Variants in DIS3L2 observed in about 807,000 individuals in gnomAD.
DIS3L2 encodes DIS3 like 3'-5' exoribonuclease 2.
A neutral mutation model predicts 97.5 loss-of-function variants in DIS3L2; 34 were observed. The ratio of observed to expected loss-of-function variants is 0.35; its 90% CI spans 0.27 to 0.46. DIS3L2 has a LOEUF of 0.46. DIS3L2 is among the 20% of genes least tolerant of loss of function. The pLI is 1.00. For missense variants in DIS3L2, 1,038 were observed against 1,146.0 expected, an observed-to-expected ratio of 0.91 and a Z score of 1.36; for synonymous variants, 435 against 445.2, an observed-to-expected ratio of 0.98 and a Z score of 0.29.
chr2:231,979,986 T>G (rs1453905380), intron 1 of DIS3L2, among the ~76,000 whole-genome samples: 1 of 152,208 alleles, frequency 6.6e-6, no homozygotes, highest in African/African-American at 2.4e-5. Context: ...TTTAAAATAA[T>G]TTCCCTAAGG....
intron 9 of DIS3L2, among the ~76,000 whole-genome samples, chr2:232,186,080 C>T (rs1691422472): frequency 6.6e-6 from 1 of 152,128 alleles, no homozygotes; most frequent in Non-Finnish European, 1.5e-5. Flanking sequence ...GTCCACCTGC[C>T]TCAGCCTCCC....
At chr2:232,203,755 G>A (rs1449515895) in intron 9 of DIS3L2, among the ~76,000 whole-genome samples, 1 of 152,314 alleles carries the variant, frequency 6.6e-6, no homozygotes, top group Admixed American at 6.5e-5. Flanking sequence ...TGGGTAGGGC[G>A]CATGGGGGAG....
intron 13 of DIS3L2, among the ~76,000 whole-genome samples, chr2:232,295,993 G>A (rs1694717131): frequency 6.6e-6 from 1 of 152,122 alleles, no homozygotes. Context: ...TCTATCCAGG[G>A]CTCTCTTATC....
chr2:232,134,770 T>G (rs1698311349), intron 7 of DIS3L2, among the ~76,000 whole-genome samples: 1 of 151,780 alleles, frequency 6.6e-6, no homozygotes, highest in African/African-American at 2.4e-5. Context: ...AGGCGGAGGT[T>G]GCAGTGAGCC....
chr2:232,061,389 G>A (rs1004895942), intron 5 of DIS3L2, among the ~76,000 whole-genome samples: 8 of 152,328 alleles, frequency 5.3e-5, no homozygotes, highest in East Asian at 3.9e-4. Flanking sequence ...GACTTAGTCC[G>A]TGAAGCTGGA....
chr2:232,066,971 A>G (rs922202276), intron 5 of DIS3L2, among the ~76,000 whole-genome samples: 1 of 152,076 alleles, frequency 6.6e-6, no homozygotes, highest in Non-Finnish European at 1.5e-5. Context: ...TAAGATTTTT[A>G]ATGATTGCCC....
intron 14 of DIS3L2, among the ~76,000 whole-genome samples, chr2:232,301,835 CT>C (rs557282669): frequency 0.037 from 3,867 of 105,464 alleles, 172 homozygotes; most frequent in African/African-American, 0.11. Context: ...TAGCCTAGCT[CT>C]TTTTTTTTTT....
At position 232,334,685 on chromosome 2, in the gene DIS3L2, T is replaced by C; in HGVS notation, c.2344T>C (p.Phe782Leu). ...AMVMGILKQA[F>L]DVLVLRYGVQ... The stretch of plus-strand genomic sequence containing the variant: ...GGTGATGGGCATCCTGAAGCAAGCC[T>C]TCGACGTGCTGGTGCTGCGCTACGG... The change falls in exon 19 of 21, where the codon TTC becomes CTC. Residue 782 changes from phenylalanine (F) to leucine (L), a missense_variant. By Grantham distance (22) the Phe-to-Leu change is conservative. This residue lies in a region of DIS3L2 where 221 missense variants were observed against 246.9 expected (regional missense o/e 0.90). Transcript: ENST00000325385. The C allele has an allele frequency of 6.2e-7, 1 of 1,610,884 alleles. No individual in the cohort carries two copies. Among genetic ancestry groups the C allele is most frequent in the Non-Finnish European group, 8.5e-7 (1 of 1,178,856 alleles).
chr2:231,992,016 T>C (rs1693599642), intron 1 of DIS3L2, among the ~76,000 whole-genome samples: 1 of 151,926 alleles, frequency 6.6e-6, no homozygotes, highest in African/African-American at 2.4e-5. Context: ...TGAGGGGAGG[T>C]ATTACTTTGC....
At chr2:232,129,619 C>T (rs182590356) in intron 6 of DIS3L2, among the ~76,000 whole-genome samples, 9 of 152,240 alleles carry the variant, frequency 5.9e-5, no homozygotes, top group East Asian at 1.9e-4. Flanking sequence ...TCTTAAACCC[C>T]GGTAGGTCAG....
At chr2:232,193,005 T>C (rs931674844) in intron 9 of DIS3L2, among the ~76,000 whole-genome samples, 1 of 152,172 alleles carries the variant, frequency 6.6e-6, no homozygotes. Flanking sequence ...CTTTGCTTCC[T>C]CCTCCTTAGT....
intron 6 of DIS3L2, among the ~76,000 whole-genome samples, chr2:232,104,149 A>G (rs1697290933): frequency 6.6e-6 from 1 of 152,226 alleles, no homozygotes; most frequent in Non-Finnish European, 1.5e-5. Flanking sequence ...AGATGGTCAT[A>G]TTTAATTAGA....
intron 5 of DIS3L2, among the ~76,000 whole-genome samples, chr2:232,055,413 A>T (rs1174536944): frequency 1.3e-5 from 2 of 152,246 alleles, no homozygotes; most frequent in Non-Finnish European, 1.5e-5. Flanking sequence ...TGTTACCCTT[A>T]TGTTAGCATG....
At position 232,337,066 on chromosome 2, in the gene DIS3L2, G is replaced by A. The variant is rs372579649; in HGVS notation, c.*436G>A. On this transcript the variant is annotated 3_prime_UTR_variant, in exon 21 of 21. Transcript: ENST00000325385. ...GGACCCAGTTCAGGCTTCACCCCTC[G>A]CTGCTGAGCCGATGTCAACACCTGG... 140 of 1,036,808 alleles carry A rather than the reference G, an allele frequency of 1.4e-4. No individual in the cohort carries two copies. Among genetic ancestry groups the A allele is most frequent in the East Asian group, 7.3e-4 (7 of 9,572 alleles). The allele number at this position is 1,036,808 out of a possible 1,614,324, so 64.2% of individuals were successfully genotyped here.
At position 232,184,222 on chromosome 2, in the gene DIS3L2, C is replaced by T. The variant is rs140503382; in HGVS notation, c.1124+20590C>T. ...CTTTTCAGAGGAGGCCTCTACTTTG[C>T]GAGTCCCACTGATGTGACTCTCAAG... On this transcript the variant is annotated intron_variant, in intron 9 of 20. Coordinates refer to ENST00000325385, the MANE Select transcript of DIS3L2 (RefSeq NM_152383.5). 4.6e-5 allele frequency among the ~76,000 whole-genome samples: 7 copies of T among 152,252 alleles called. 1 individual carries two copies. The South Asian group carries it at 6.2e-4, about 14-fold the overall frequency.
chr2:232,334,816 C>G (rs574027278), intron 19 of DIS3L2, 81 bp downstream of exon 19: 99 of 1,244,036 alleles, frequency 8.0e-5, no homozygotes, highest in South Asian at 7.9e-4. Flanking sequence ...TGTGATGGGT[C>G]ACACTCCACC....
Position 232,333,756 on chromosome 2 carries a change from G to GACA in DIS3L2, c.2011-84_2011-83insACA. 9 of 1,487,192 alleles carry GACA rather than the reference G, an allele frequency of 6.1e-6. No individual in the cohort carries two copies. The Admixed American group carries it at 6.8e-5, about 11-fold the overall frequency. 92.1% of individuals were successfully genotyped at this position (1,487,192 alleles called of 1,614,324 possible). ...GGTCTGTCCACACATCGCTGCCGAC[G>GACA]GTGAGGCTGTGGGTGGTGCCAGCCT... On this transcript the variant is annotated intron_variant, in intron 16 of 20. Coordinates refer to ENST00000325385, the MANE Select transcript of DIS3L2 (RefSeq NM_152383.5).
intron 5 of DIS3L2, among the ~76,000 whole-genome samples, chr2:232,086,220 CGT>C (rs1559612115): frequency 2.6e-5 from 4 of 151,102 alleles, no homozygotes; most frequent in African/African-American, 9.8e-5. Context: ...TATATACACA[CGT>C]ATAGACGTGT....
intron 6 of DIS3L2, among the ~76,000 whole-genome samples, chr2:232,111,878 G>A (rs917751878): frequency 1.5e-4 from 23 of 152,194 alleles, no homozygotes; most frequent in African/African-American, 5.3e-4. Flanking sequence ...ATACATAGAA[G>A]AGTAAAGAAC....
Sources: gnomAD v4.1 joint callset for allele counts (sites outside exome capture counted in the v4.1 genomes callset) on GRCh38, gnomAD v4.1.1 for gene constraint, gnomAD v4.1.1 regional missense constraint, MANE v1.5 for transcripts, NCBI Gene and HGNC (gene_info 2026-07-23, HGNC 2026-07-21) for gene names.